The following YEATS2 variants were observed in gnomAD, a reference collection of about 807,000 sequenced individuals.
YEATS2 encodes the protein YEATS domain containing 2, also known as YEATS domain-containing protein 2.
A neutral mutation model predicts 163.2 loss-of-function variants in YEATS2; 77 were observed. The observed-to-expected ratio is 0.47, with a 90% CI of 0.39 to 0.57. YEATS2 has a LOEUF of 0.57. Among genes scored for constraint, YEATS2 ranks in the 20% least tolerant of loss-of-function variants. The pLI, the probability that YEATS2 is intolerant of heterozygous loss-of-function variation, is 0.00. For missense variants in YEATS2, 1,549 were observed against 1,729.8 expected (o/e 0.90, Z 1.85); for synonymous variants, 631 against 645.1 (o/e 0.98, Z 0.33).
intron 20 of YEATS2, among the ~76,000 whole-genome samples, chr3:183,786,650 A>G (rs1004018941): frequency 1.3e-5 from 2 of 148,276 alleles, no homozygotes; most frequent in Non-Finnish European, 2.9e-5. Flanking sequence ...TAGACATTTC[A>G]TATAAAGGGA....
At chr3:183,709,809 CT>C (rs1025851483) in intron 1 of YEATS2, among the ~76,000 whole-genome samples, 1 of 151,508 alleles carries the variant, frequency 6.6e-6, no homozygotes, top group African/African-American at 2.4e-5. Context: ...TCCGGAGTAG[CT>C]AGGACTACAG....
chr3:183,740,333 G>A (rs1166841769), intron 8 of YEATS2, among the ~76,000 whole-genome samples: 7 of 152,060 alleles, frequency 4.6e-5, no homozygotes, highest in African/African-American at 2.4e-5. Flanking sequence ...CATTTATGCA[G>A]CCAAAAAACA....
intron 27 of YEATS2, chr3:183,806,495 A>T: frequency 2.3e-6 from 1 of 429,670 alleles, no homozygotes; most frequent in South Asian, 1.7e-5. Context: ...AATAGGGGTG[A>T]TTCTTTTTAT....
chr3:183,748,853 C>T (rs528889440), intron 9 of YEATS2, among the ~76,000 whole-genome samples: 1 of 152,308 alleles, frequency 6.6e-6, no homozygotes, highest in South Asian at 2.1e-4. Context: ...CCCACCTCAG[C>T]ATCCAAAAGC....
At chr3:183,740,707 C>G (rs1577089573) in intron 8 of YEATS2, among the ~76,000 whole-genome samples, 1 of 152,184 alleles carries the variant, frequency 6.6e-6, no homozygotes, top group East Asian at 1.9e-4. Context: ...CATACAGTTG[C>G]AAGGTGAAGC....
At chr3:183,706,484 T>TA (rs1277411611) in intron 1 of YEATS2, among the ~76,000 whole-genome samples, 1 of 152,160 alleles carries the variant, frequency 6.6e-6, no homozygotes, top group Non-Finnish European at 1.5e-5. Context: ...GACAGTGAAA[T>TA]ACAGATTTTG....
intron 11 of YEATS2, among the ~76,000 whole-genome samples, chr3:183,755,741 C>CTTTTTTTTTTTTTTTTTTTTTT (rs57050296): frequency 3.6e-5 from 3 of 82,206 alleles, no homozygotes; most frequent in African/African-American, 6.0e-5. Context: ...TCCTTCCTTT[C>CTTTTTTTTTTTTTTTTTTTTTT]TTTTTTTTTT....
chr3:183,698,947 A>G (rs556227569), intron 1 of YEATS2, among the ~76,000 whole-genome samples: 2 of 152,294 alleles, frequency 1.3e-5, no homozygotes, highest in South Asian at 4.1e-4. Context: ...ACTCTTTAAA[A>G]GATAGGGCAG....
At chr3:183,715,364 T>A in intron 2 of YEATS2, 102 bp downstream of exon 2, 1 of 823,172 alleles carries the variant, frequency 1.2e-6, no homozygotes, top group Non-Finnish European at 2.0e-6. Context: ...TTATGTATAA[T>A]TTGAAGGGGT....
At chr3:183,729,271 C>CA (rs879414886) in intron 7 of YEATS2, among the ~76,000 whole-genome samples, 4,008 of 104,008 alleles carry the variant, frequency 0.039, 150 homozygotes, top group African/African-American at 0.12. Flanking sequence ...GACTCTGTCT[C>CA]AAAAAAAAAA....
At chr3:183,701,957 G>A (rs1714138297) in intron 1 of YEATS2, among the ~76,000 whole-genome samples, 1 of 152,122 alleles carries the variant, frequency 6.6e-6, no homozygotes, top group African/African-American at 2.4e-5. Flanking sequence ...CTCCATGTCT[G>A]CAGTCATCAA....
chr3:183,779,045 C>T (rs263007), intron 19 of YEATS2, among the ~76,000 whole-genome samples: 62,099 of 151,668 alleles, frequency 0.41, 13,325 homozygotes, highest in Middle Eastern at 0.54. Flanking sequence ...CGAGTAGCTG[C>T]GATTACAGGA....
At chr3:183,760,479 C>T (rs1049360713) in intron 13 of YEATS2, among the ~76,000 whole-genome samples, 4 of 152,010 alleles carry the variant, frequency 2.6e-5, no homozygotes, top group East Asian at 1.9e-4. Flanking sequence ...ATGCGCCCCA[C>T]GCCCGGATAA....
Position 183,762,181 on chromosome 3 carries a change from A to G in YEATS2, c.1849A>G (p.Thr617Ala). The change falls in exon 15 of 31, where the codon ACT (threonine) becomes GCT (alanine). Residue 617 changes from threonine to alanine, a missense_variant. Transcript: ENST00000305135. Reference sequence around the variant, plus strand: ...CCAGTCACCACTCCCGCAGTATGTGACTGTGAAAGGGGGTCACATGATAGC... The same window carrying G: ...CCAGTCACCACTCCCGCAGTATGTGGCTGTGAAAGGGGGTCACATGATAGC... The part of the protein sequence containing the change: ...ASQSPLPQYV[T>A]VKGGHMIAVS... 1 of 1,614,158 alleles carries G rather than the reference A, an allele frequency of 6.2e-7. No homozygotes were observed. Among genetic ancestry groups the G allele is most frequent in the Non-Finnish European group, 8.5e-7 (1 of 1,180,038 alleles).
chr3:183,781,202 C>T (rs1723526942), intron 19 of YEATS2, among the ~76,000 whole-genome samples: 1 of 152,068 alleles, frequency 6.6e-6, no homozygotes, highest in Non-Finnish European at 1.5e-5. Flanking sequence ...TGTTAGCAGG[C>T]TGGAGATCAG....
rs1417157667 is a variant in YEATS2 at position 183,712,721 on chromosome 3, A to C, written c.-19-2423A>C. Among the ~76,000 whole-genome samples, 6 of 152,066 alleles carry C rather than the reference A, an allele frequency of 3.9e-5. No homozygotes were observed. The East Asian group carries it at 7.7e-4, about 20-fold the overall frequency. On this transcript the variant is annotated intron_variant, in intron 1 of 30. Transcript: ENST00000305135. ...GCGAAGAAAGGGAGCCACCAGCCAC[A>C]AGTAGTTATTGAGCCTTAGGATTGT...
At chr3:183,746,587 G>A (rs191535583) in intron 8 of YEATS2, among the ~76,000 whole-genome samples, 115 of 151,580 alleles carry the variant, frequency 7.6e-4, no homozygotes, top group Non-Finnish European at 2.8e-4. Context: ...AGATACACCC[G>A]TGCGGATTAC....
At chr3:183,760,844 T>C (rs1721274938) in intron 13 of YEATS2, among the ~76,000 whole-genome samples, 1 of 152,212 alleles carries the variant, frequency 6.6e-6, no homozygotes, top group South Asian at 2.1e-4. Flanking sequence ...ATTTATTTAG[T>C]GCCTAGGCTC....
chr3:183,758,133 G>A (rs917740461), intron 12 of YEATS2, among the ~76,000 whole-genome samples: 1 of 152,118 alleles, frequency 6.6e-6, no homozygotes, highest in Non-Finnish European at 1.5e-5. Context: ...CAAGGTGGGC[G>A]GATCACCTGA....
Sources: allele counts gnomAD v4.1 joint callset (sites outside exome capture counted in the v4.1 genomes callset), GRCh38; gene constraint gnomAD v4.1.1; transcripts MANE v1.5; gene names NCBI Gene and HGNC (gene_info 2026-07-23, HGNC 2026-07-21).